The following HMGA2 variants were observed in gnomAD, a reference collection of about 807,000 sequenced individuals.
The protein encoded by HMGA2 is high mobility group AT-hook 2, also known as high mobility group protein HMGI-C.
A neutral mutation model predicts 19.1 loss-of-function variants in HMGA2; 8 were observed. That is an observed-to-expected ratio of 0.42 (90% CI 0.25 to 0.76). HMGA2 has a LOEUF of 0.76. Ranked by LOEUF, HMGA2 falls within the 30% of genes least tolerant of loss-of-function variation. HMGA2 has a pLI of 0.28. For synonymous variants in HMGA2, 60 were observed against 48.8 expected, an observed-to-expected ratio of 1.23 and a Z score of -0.96; for missense variants, 109 against 136.3, an observed-to-expected ratio of 0.80 and a Z score of 1.00.
chr12:65,864,893 C>T (rs372530066), intron 3 of HMGA2, among the ~76,000 whole-genome samples: 3 of 152,228 alleles, frequency 2.0e-5, no homozygotes, highest in Admixed American at 6.5e-5. Context: ...TTGAGCTGGA[C>T]GGGTCCACTT....
chr12:65,855,458 T>TCTCACACACACA (rs140365204), intron 3 of HMGA2, among the ~76,000 whole-genome samples: 16 of 140,234 alleles, frequency 1.1e-4, no homozygotes, highest in African/African-American at 4.4e-4. Flanking sequence ...TCTCTCTCTC[T>TCTCACACACACA]CACACACACA....
rs771089398 is a variant in HMGA2, at chr12:65,925,325, A to C, written c.250-26058A>C. 1.5e-4 allele frequency among the ~76,000 whole-genome samples: 23 copies of C among 152,192 alleles called. 1 individual carries two copies. The highest frequency in any genetic ancestry group is 2.2e-4 in the Non-Finnish European group (15 of 68,036). ...GACTTTTGGACAATTTCTAATAAGC[A>C]TTTGGGTGGTCCTGAGCAGGAGGAA... On this transcript the variant is annotated intron_variant, in intron 3 of 4. Coordinates refer to ENST00000403681, the MANE Select transcript of HMGA2 (RefSeq NM_003483.6).
intron 3 of HMGA2, chr12:65,842,695 A>C: frequency 6.6e-7 from 1 of 1,524,510 alleles, no homozygotes; most frequent in South Asian, 1.2e-5. Context: ...TGTTTGCCTC[A>C]AGATGTACAT....
At chr12:65,866,409 G>T (rs981822337) in intron 3 of HMGA2, among the ~76,000 whole-genome samples, 1 of 152,210 alleles carries the variant, frequency 6.6e-6, no homozygotes, top group African/African-American at 2.4e-5. Context: ...GAGAGTCTGG[G>T]TGGACTTGAT....
chr12:65,888,677 C>T (rs1873773161), intron 3 of HMGA2, among the ~76,000 whole-genome samples: 2 of 146,022 alleles, frequency 1.4e-5, no homozygotes, highest in South Asian at 4.4e-4. Context: ...CATTCTCCTG[C>T]CTCAGCCTCC....
chr12:65,944,595 G>A (rs1425613649), intron 3 of HMGA2, among the ~76,000 whole-genome samples: 15 of 152,138 alleles, frequency 9.9e-5, no homozygotes, highest in East Asian at 5.8e-4. Context: ...AAAAAGCTAC[G>A]CAGAAGGTAC....
At chr12:65,920,140 G>T (rs1875252286) in intron 3 of HMGA2, among the ~76,000 whole-genome samples, 1 of 152,150 alleles carries the variant, frequency 6.6e-6, no homozygotes, top group Non-Finnish European at 1.5e-5. Context: ...TTAGTGGTGG[G>T]GGAGTTCTTT....
intron 3 of HMGA2, among the ~76,000 whole-genome samples, chr12:65,924,020 A>G (rs1376676743): frequency 6.6e-6 from 1 of 152,110 alleles, no homozygotes; most frequent in Non-Finnish European, 1.5e-5. Context: ...CAAAAAAACA[A>G]AACAAAACAA....
At chr12:65,833,418 T>C (rs1301622562) in intron 2 of HMGA2, among the ~76,000 whole-genome samples, 1 of 151,968 alleles carries the variant, frequency 6.6e-6, no homozygotes, top group East Asian at 1.9e-4. Context: ...TTCTAGTTTT[T>C]TTTTTTTTTG....
chr12:65,878,172 A>G (rs1873154188), intron 3 of HMGA2, among the ~76,000 whole-genome samples: 1 of 152,228 alleles, frequency 6.6e-6, no homozygotes, highest in African/African-American at 2.4e-5. Flanking sequence ...CTGGAGCCAT[A>G]GAAAACTGTT....
chr12:65,924,189 CTCT>C (rs980623691), intron 3 of HMGA2, among the ~76,000 whole-genome samples: 36 of 152,276 alleles, frequency 2.4e-4, no homozygotes, highest in African/African-American at 8.4e-4. Flanking sequence ...CCACTTCCTA[CTCT>C]TCTTCATGTT....
intron 2 of HMGA2, among the ~76,000 whole-genome samples, chr12:65,830,149 T>C (rs1870416398): frequency 6.6e-6 from 1 of 151,980 alleles, no homozygotes; most frequent in Admixed American, 6.6e-5. Flanking sequence ...TTCTTCAGTT[T>C]TATAAATTAC....
intron 3 of HMGA2, among the ~76,000 whole-genome samples, chr12:65,855,448 T>TCA (rs1272719138): frequency 0.015 from 1,398 of 94,980 alleles, 18 homozygotes; most frequent in African/African-American, 0.065. Context: ...TTTCTCTCTC[T>TCA]CTCTCTCTCT....
At chr12:65,926,723 G>T (rs1000559353) in intron 3 of HMGA2, among the ~76,000 whole-genome samples, 1 of 152,140 alleles carries the variant, frequency 6.6e-6, no homozygotes, top group South Asian at 2.1e-4. Flanking sequence ...TAACCATGAA[G>T]ATCACAAAGG....
intron 2 of HMGA2, among the ~76,000 whole-genome samples, chr12:65,837,284 T>C (rs1870773907): frequency 6.6e-6 from 1 of 152,204 alleles, no homozygotes; most frequent in Non-Finnish European, 1.5e-5. Context: ...AGAAATGTTG[T>C]GGCTTATTTT....
intron 3 of HMGA2, among the ~76,000 whole-genome samples, chr12:65,884,565 C>A (rs1288513080): frequency 6.6e-6 from 1 of 152,126 alleles, no homozygotes; most frequent in East Asian, 1.9e-4. Context: ...GTCTTTATCT[C>A]TAAGGAAACT....
At chr12:65,909,403 A>G (rs1327944672) in intron 3 of HMGA2, among the ~76,000 whole-genome samples, 2 of 152,140 alleles carry the variant, frequency 1.3e-5, no homozygotes, top group Admixed American at 6.6e-5. Flanking sequence ...TATTCCTGTA[A>G]TGTGGAATAT....
At chr12:65,829,621 C>G (rs1870387359) in intron 2 of HMGA2, among the ~76,000 whole-genome samples, 1 of 151,884 alleles carries the variant, frequency 6.6e-6, no homozygotes, top group Non-Finnish European at 1.5e-5. Flanking sequence ...GATAATATCT[C>G]CTAGGAAGAA....
chr12:65,826,289 G>C (rs1324433224), intron 1 of HMGA2: 2 of 152,324 alleles, frequency 1.3e-5, no homozygotes, highest in African/African-American at 4.8e-5. Flanking sequence ...GGTTTTGTCT[G>C]CGGATGCAAC....
Sources: gnomAD v4.1 joint callset for allele counts (sites outside exome capture counted in the v4.1 genomes callset) on GRCh38, gnomAD v4.1.1 for gene constraint, MANE v1.5 for transcripts, NCBI Gene and HGNC (gene_info 2026-07-23, HGNC 2026-07-21) for gene names.